AUTS2: variants seen among roughly 807,000 people sequenced by gnomAD.
AUTS2 encodes autism susceptibility gene 2 protein.
AUTS2 carries 17 observed loss-of-function variants against 112.4 expected under a neutral mutation model. That is an observed-to-expected ratio of 0.15 (90% CI 0.10 to 0.23). The LOEUF (loss-of-function observed/expected upper bound fraction) is 0.23. Ranked by LOEUF, AUTS2 falls within the 10% of genes least tolerant of loss-of-function variation. The pLI is 1.00. For missense variants in AUTS2, 1,510 were observed against 1,701.6 expected, an observed-to-expected ratio of 0.89 and a Z score of 1.98; for synonymous variants, 751 against 702.7, an observed-to-expected ratio of 1.07 and a Z score of -1.09.
chr7:70,164,721 G>A (rs1808290126), intron 4 of AUTS2, among the ~76,000 whole-genome samples: 1 of 151,990 alleles, frequency 6.6e-6, no homozygotes, highest in Non-Finnish European at 1.5e-5. Flanking sequence ...GATTTATTCA[G>A]TCCCCCCATG....
At chr7:70,422,778 GA>G (rs542867960) in intron 4 of AUTS2, among the ~76,000 whole-genome samples, 9 of 149,574 alleles carry the variant, frequency 6.0e-5, no homozygotes, top group Non-Finnish European at 1.0e-4. Flanking sequence ...TCTGTCTCAA[GA>G]AAAAAAAAAT....
intron 1 of AUTS2, among the ~76,000 whole-genome samples, chr7:69,641,337 A>G (rs1794788523): frequency 6.6e-6 from 1 of 152,244 alleles, no homozygotes. Context: ...ATCAAGATTC[A>G]AACAACTCGG....
intron 1 of AUTS2, among the ~76,000 whole-genome samples, chr7:69,621,573 C>G (rs2129091631): frequency 6.6e-6 from 1 of 152,250 alleles, no homozygotes; most frequent in Non-Finnish European, 1.5e-5. Context: ...TAGGTCACTG[C>G]TTTTTCTCAC....
chr7:70,391,644 C>T (rs1793863224), intron 4 of AUTS2, among the ~76,000 whole-genome samples: 1 of 151,874 alleles, frequency 6.6e-6, no homozygotes. Flanking sequence ...GAAACATTTG[C>T]CTGGCAGAGT....
At chr7:70,620,019 C>T (rs1357172690) in intron 5 of AUTS2, among the ~76,000 whole-genome samples, 6 of 152,172 alleles carry the variant, frequency 3.9e-5, no homozygotes, top group Non-Finnish European at 8.8e-5. Flanking sequence ...ACCCTGCCAC[C>T]CTCCCTGTAC....
intron 4 of AUTS2, among the ~76,000 whole-genome samples, chr7:70,391,195 CA>C (rs1345986724): frequency 6.6e-6 from 1 of 152,156 alleles, no homozygotes; most frequent in East Asian, 1.9e-4. Context: ...GGCTGAGAAG[CA>C]AGCACTGATT....
At chr7:69,914,901 C>A (rs1240808387) in intron 2 of AUTS2, among the ~76,000 whole-genome samples, 2 of 152,218 alleles carry the variant, frequency 1.3e-5, no homozygotes, top group Non-Finnish European at 2.9e-5. Context: ...CAGTTTATTT[C>A]CTTTTAAAGT....
intron 4 of AUTS2, among the ~76,000 whole-genome samples, chr7:70,210,174 C>A (rs949272607): frequency 3.9e-5 from 6 of 152,298 alleles, no homozygotes; most frequent in African/African-American, 1.2e-4. Flanking sequence ...CTTCTCACTT[C>A]CCCACCTCCT....
chr7:69,763,098 A>T (rs1788265356), intron 1 of AUTS2, among the ~76,000 whole-genome samples: 1 of 152,228 alleles, frequency 6.6e-6, no homozygotes, highest in South Asian at 2.1e-4. Context: ...GATGAACTTA[A>T]AAATAATAAT....
intron 4 of AUTS2, among the ~76,000 whole-genome samples, chr7:70,301,588 GCTTC>G (rs1789216116): frequency 6.6e-6 from 1 of 152,068 alleles, no homozygotes; most frequent in Non-Finnish European, 1.5e-5. Flanking sequence ...TCTTTCCAGT[GCTTC>G]CTTCCTTCCG....
At chr7:70,491,676 G>A (rs1393742227) in intron 5 of AUTS2, among the ~76,000 whole-genome samples, 18 of 150,356 alleles carry the variant, frequency 1.2e-4, no homozygotes, top group East Asian at 7.9e-4. Flanking sequence ...GTGCAGTGGC[G>A]CAATCTCAGC....
At chr7:70,544,881 G>T (rs1800707466) in intron 5 of AUTS2, among the ~76,000 whole-genome samples, 1 of 152,092 alleles carries the variant, frequency 6.6e-6, no homozygotes. Flanking sequence ...CAGTTCTGAA[G>T]ATTGTTTCCA....
chr7:70,672,852 C>T (rs189247077), intron 5 of AUTS2, among the ~76,000 whole-genome samples: 42 of 152,276 alleles, frequency 2.8e-4, no homozygotes, highest in Middle Eastern at 3.4e-3. Flanking sequence ...CTGCCTGCCT[C>T]GGCCTCCCAA....
chr7:69,995,556 C>T (rs1048838946), intron 2 of AUTS2, among the ~76,000 whole-genome samples: 2 of 152,134 alleles, frequency 1.3e-5, no homozygotes, highest in East Asian at 3.9e-4. Context: ...ATACTTAATA[C>T]TTAGGAGTTG....
At chr7:69,801,149 T>A (rs1790063988) in intron 1 of AUTS2, among the ~76,000 whole-genome samples, 1 of 151,562 alleles carries the variant, frequency 6.6e-6, no homozygotes, top group African/African-American at 2.4e-5. Context: ...ACATAGCAGG[T>A]TATCAATAAA....
At position 70,790,455 on chromosome 7, in the gene AUTS2, G is replaced by A; in HGVS notation, c.3239G>A (p.Arg1080Gln). ...PIRDPLRDPYRELDIHRRDPL... is the reference protein window; with the variant it reads ...PIRDPLRDPYQELDIHRRDPL... ...CGGGACCCCTTGAGGGATCCTTACC[G>A]AGAACTTGACATTCACCGGAGAGAC... The change falls in exon 19 of 19, where the codon CGA becomes CAA. Residue 1080 changes from arginine (R) to glutamine (Q), a missense_variant. Coordinates refer to ENST00000342771, the MANE Select transcript of AUTS2 (RefSeq NM_015570.4). This position sits in a 1 kb window ranked among gnomAD's most constrained non-coding sequence, Gnocchi z 7.6. 4 of 1,612,318 alleles carry A rather than the reference G, an allele frequency of 2.5e-6. No individual in the cohort carries two copies. Among genetic ancestry groups the A allele is most frequent in the South Asian group, 1.1e-5 (1 of 90,922 alleles).
intron 2 of AUTS2, among the ~76,000 whole-genome samples, chr7:70,009,030 C>A (rs1482094722): frequency 6.6e-6 from 1 of 152,100 alleles, no homozygotes; most frequent in African/African-American, 2.4e-5. Context: ...TGTCTTATTT[C>A]ATTTTGTGTT....
Position 70,763,162 on chromosome 7 carries a change from T to A in AUTS2, c.1035T>A (p.Pro345=). The change falls in exon 7 of 19, where the codon CCT becomes CCA. Residue 345 remains proline (P), a synonymous_variant. Transcript: ENST00000342771. The part of the protein sequence containing the change: ...PPLSTQPPQG[P]PEAQLQPAPQ... ...TGAGTACACAGCCACCACAGGGCCC[T>A]CCTGAGGCCCAGCTCCAGCCTGCCC... 1 of 1,613,770 alleles carries A rather than the reference T, an allele frequency of 6.2e-7. No homozygotes were observed. Among genetic ancestry groups the A allele is most frequent in the South Asian group, 1.1e-5 (1 of 91,052 alleles).
chr7:69,686,243 G>C (rs982032732), intron 1 of AUTS2, among the ~76,000 whole-genome samples: 4 of 152,172 alleles, frequency 2.6e-5, no homozygotes, highest in African/African-American at 9.7e-5. Context: ...GTGAATATAC[G>C]TGGCCTTATA....
Sources: gnomAD v4.1 joint callset for allele counts (sites outside exome capture counted in the v4.1 genomes callset) on GRCh38, gnomAD v4.1.1 for gene constraint, Gnocchi (gnomAD v3.1) non-coding constraint, MANE v1.5 for transcripts, NCBI Gene and HGNC (gene_info 2026-07-23, HGNC 2026-07-21) for gene names.